KLHL2: variants seen among roughly 807,000 people sequenced by gnomAD.
The protein encoded by KLHL2 is kelch-like protein 2.
In KLHL2, 15 loss-of-function variants were observed where a neutral mutation model predicts 75.8. The ratio of observed to expected loss-of-function variants is 0.20; its 90% CI spans 0.13 to 0.30. The LOEUF is 0.30. Among genes scored for constraint, KLHL2 ranks in the 10% least tolerant of loss-of-function variants. The pLI is 1.00. For synonymous variants in KLHL2, 214 were observed against 251.9 expected (o/e 0.85, Z 1.42); for missense variants, 381 against 741.0 (o/e 0.51, Z 5.64).
intron 1 of KLHL2, among the ~76,000 whole-genome samples, chr4:165,217,929 C>T (rs1405528614): frequency 1.3e-5 from 2 of 152,210 alleles, no homozygotes; most frequent in African/African-American, 4.8e-5. Context: ...CCTTCTTCAT[C>T]TCAATGAACA....
chr4:165,244,057 C>CA, intron 4 of KLHL2, among the ~76,000 whole-genome samples: 1 of 151,234 alleles, frequency 6.6e-6, no homozygotes, highest in Admixed American at 6.6e-5. Context: ...AATTTCCAGG[C>CA]TTTTTTTTTA....
At chr4:165,260,472 C>G (rs1741564165) in intron 4 of KLHL2, among the ~76,000 whole-genome samples, 1 of 152,022 alleles carries the variant, frequency 6.6e-6, no homozygotes. Flanking sequence ...TTATGAATTT[C>G]GGTCTCCTAA....
At chr4:165,261,138 T>A (rs1275366433) in intron 4 of KLHL2, among the ~76,000 whole-genome samples, 1 of 152,076 alleles carries the variant, frequency 6.6e-6, no homozygotes, top group African/African-American at 2.4e-5. Context: ...TTTGCTGAAT[T>A]AAATGGCTGT....
intron 5 of KLHL2, among the ~76,000 whole-genome samples, chr4:165,276,831 C>G (rs1743154946): frequency 6.6e-6 from 1 of 152,072 alleles, no homozygotes; most frequent in Non-Finnish European, 1.5e-5. Flanking sequence ...CTCTTATCCC[C>G]TCAATAGGAT....
chr4:165,278,907 C>T, intron 5 of KLHL2: 2 of 1,400,396 alleles, frequency 1.4e-6, no homozygotes. Context: ...CCTTCCAAGG[C>T]CCCCGCTTTC....
chr4:165,219,931 C>A lies in KLHL2; in HGVS notation c.27-3C>A. ...TGTTTTTGTTCTTTTCTTTTATGTA[C>A]AGATGCACAAAGCAGGGTCATCAGA... On this transcript the variant is annotated splice_region_variant and splice_polypyrimidine_tract_variant and intron_variant, in intron 1 of 14. Transcript: ENST00000226725. 6.2e-7 allele frequency: 1 copy of A among 1,610,084 alleles called. No individual in the cohort carries two copies. Among genetic ancestry groups the A allele is most frequent in the East Asian group, 2.2e-5 (1 of 44,832 alleles).
At chr4:165,301,881 T>C (rs1745377893) in intron 8 of KLHL2, among the ~76,000 whole-genome samples, 1 of 152,188 alleles carries the variant, frequency 6.6e-6, no homozygotes, top group Non-Finnish European at 1.5e-5. Context: ...GAATTCATTT[T>C]TGATTTCTGG....
intron 4 of KLHL2, 25 bp from the exon 5 acceptor site, chr4:165,263,172 A>C (rs369531956): frequency 7.5e-6 from 12 of 1,610,166 alleles, no homozygotes; most frequent in Non-Finnish European, 8.5e-6. Context: ...CCAAGTGCCT[A>C]AGAATATTGA....
At chr4:165,286,760 A>C (rs1418501003) in intron 5 of KLHL2, among the ~76,000 whole-genome samples, 2 of 152,216 alleles carry the variant, frequency 1.3e-5, no homozygotes, top group Non-Finnish European at 2.9e-5. Context: ...GAGGCTGACA[A>C]GGTAGGACAG....
chr4:165,281,158 A>C (rs1743638715), intron 5 of KLHL2, among the ~76,000 whole-genome samples: 3 of 152,140 alleles, frequency 2.0e-5, no homozygotes. Context: ...TTGTTCAAAA[A>C]GGTGCTTGGT....
chr4:165,259,039 AT>A (rs1468146115), intron 4 of KLHL2, among the ~76,000 whole-genome samples: 2 of 152,140 alleles, frequency 1.3e-5, no homozygotes, highest in African/African-American at 4.8e-5. Flanking sequence ...TGTTTATATT[AT>A]TGTATTATTG....
chr4:165,274,590 C>T (rs1339759025), intron 5 of KLHL2, among the ~76,000 whole-genome samples: 1 of 140,284 alleles, frequency 7.1e-6, no homozygotes, highest in African/African-American at 2.7e-5. Flanking sequence ...GCCTGGGTGA[C>T]AGAGTGAGAC....
chr4:165,241,444 G>A (rs966732762), intron 4 of KLHL2, among the ~76,000 whole-genome samples: 11 of 152,080 alleles, frequency 7.2e-5, no homozygotes, highest in Non-Finnish European at 1.2e-4. Flanking sequence ...GTTTTAAGTG[G>A]CCCTAACTGG....
At chr4:165,305,748 A>T in intron 9 of KLHL2, 23 bp downstream of exon 9, 1 of 1,454,300 alleles carries the variant, frequency 6.9e-7, no homozygotes, top group East Asian at 2.3e-5. Context: ...CATCATGGTC[A>T]ATTCTCTACT....
chr4:165,312,098 C>T (rs944160430), intron 11 of KLHL2, among the ~76,000 whole-genome samples: 2 of 152,130 alleles, frequency 1.3e-5, no homozygotes, highest in African/African-American at 4.8e-5. Flanking sequence ...GTTCACACTT[C>T]TGTGAGAATC....
At chr4:165,268,388 C>G (rs980831478) in intron 5 of KLHL2, among the ~76,000 whole-genome samples, 55 of 152,092 alleles carry the variant, frequency 3.6e-4, no homozygotes, top group African/African-American at 1.2e-3. Context: ...TTCTCTAGTT[C>G]TTTTAATTGT....
chr4:165,245,556 G>A (rs945567647), intron 4 of KLHL2, among the ~76,000 whole-genome samples: 11 of 152,266 alleles, frequency 7.2e-5, no homozygotes, highest in Non-Finnish European at 1.0e-4. Context: ...AGGATCTGGG[G>A]CTTGTTATGT....
In KLHL2 at chr4:165,215,690, C is replaced by T. The variant is rs552047488; in HGVS notation, c.27-4244C>T. Among the ~76,000 whole-genome samples, 8 of 152,128 alleles carry T rather than the reference C, an allele frequency of 5.3e-5. No homozygotes were observed. In the South Asian group the frequency reaches 1.7e-3, roughly 31 times the overall value. ...AAAATGTCTTTGATCTCCTGTTAAA[C>T]TTTGCAGCTGCATCATTCACATGAA... On this transcript the variant is annotated intron_variant, in intron 1 of 14. Coordinates refer to ENST00000226725, the MANE Select transcript of KLHL2 (RefSeq NM_007246.4).
At chr4:165,247,117 T>C (rs2111145232) in intron 4 of KLHL2, among the ~76,000 whole-genome samples, 1 of 152,320 alleles carries the variant, frequency 6.6e-6, no homozygotes, top group East Asian at 1.9e-4. Flanking sequence ...TCAGTGTAGG[T>C]GTCATTACAT....
Sources: gnomAD v4.1 joint callset for allele counts (sites outside exome capture counted in the v4.1 genomes callset) on GRCh38, gnomAD v4.1.1 for gene constraint, MANE v1.5 for transcripts, NCBI Gene and HGNC (gene_info 2026-07-23, HGNC 2026-07-21) for gene names.